Variants in IKZF3 observed in about 807,000 individuals in gnomAD.
IKZF3 encodes the protein IKAROS family zinc finger 3, also known as zinc finger protein Aiolos.
In IKZF3, 10 loss-of-function variants were observed where a neutral mutation model predicts 49.0. The observed-to-expected ratio is 0.20, with a 90% CI of 0.13 to 0.35. IKZF3 has a LOEUF of 0.35. IKZF3 is among the 10% of genes least tolerant of loss of function. The pLI, the probability that IKZF3 is intolerant of heterozygous loss-of-function variation, is 1.00. For missense variants in IKZF3, 498 were observed against 664.8 expected (o/e 0.75, Z 2.76); for synonymous variants, 209 against 228.2 (o/e 0.92, Z 0.76).
At chr17:39,792,524 T>A in intron 4 of IKZF3, 149 bp downstream of exon 4, 1 of 773,256 alleles carries the variant, frequency 1.3e-6, no homozygotes, top group Admixed American at 2.8e-5. Flanking sequence ...TAAAAAGCAC[T>A]GAGTGAACAG....
intron 6 of IKZF3, among the ~76,000 whole-genome samples, chr17:39,785,420 G>A (rs983341091): frequency 2.0e-5 from 3 of 152,034 alleles, no homozygotes; most frequent in East Asian, 3.9e-4. Flanking sequence ...TATGGTGCAC[G>A]CATCCACCAA....
At chr17:39,789,684 C>A (rs1292397462) in intron 5 of IKZF3, among the ~76,000 whole-genome samples, 4 of 151,368 alleles carry the variant, frequency 2.6e-5, no homozygotes, top group Non-Finnish European at 4.4e-5. Flanking sequence ...GCTGAGATGG[C>A]GCCGCTGTAC....
chr17:39,826,614 C>T (rs2061962723), intron 3 of IKZF3, among the ~76,000 whole-genome samples: 1 of 152,178 alleles, frequency 6.6e-6, no homozygotes, highest in Admixed American at 6.5e-5. Flanking sequence ...CTGTGGAAAT[C>T]ACTATGGGAA....
intron 1 of IKZF3, among the ~76,000 whole-genome samples, chr17:39,849,760 A>G (rs1281016374): frequency 6.6e-6 from 1 of 152,138 alleles, no homozygotes; most frequent in Non-Finnish European, 1.5e-5. Context: ...AAAGACACTC[A>G]ATGTAATTAC....
intron 3 of IKZF3, among the ~76,000 whole-genome samples, chr17:39,804,400 A>T (rs369653545): frequency 1.3e-5 from 2 of 151,864 alleles, no homozygotes; most frequent in East Asian, 3.9e-4. Flanking sequence ...GTGAGCCAAG[A>T]TAGCTCCACT....
intron 1 of IKZF3, among the ~76,000 whole-genome samples, chr17:39,838,279 CCT>C (rs1268234005): frequency 6.6e-6 from 1 of 152,056 alleles, no homozygotes; most frequent in African/African-American, 2.4e-5. Flanking sequence ...CCCACAGTTC[CCT>C]GAGACATTGT....
chr17:39,785,375 G>A (rs974508767), intron 6 of IKZF3, among the ~76,000 whole-genome samples: 1 of 152,036 alleles, frequency 6.6e-6, no homozygotes, highest in Admixed American at 6.6e-5. Flanking sequence ...TGCTGACTTA[G>A]TTAACCCTTT....
At chr17:39,853,483 T>C (rs2062942679) in intron 1 of IKZF3, among the ~76,000 whole-genome samples, 1 of 152,182 alleles carries the variant, frequency 6.6e-6, no homozygotes, top group South Asian at 2.1e-4. Flanking sequence ...AGAGTGATGA[T>C]AGGTTTTGCT....
At chr17:39,798,507 ATT>A (rs35545323) in intron 3 of IKZF3, among the ~76,000 whole-genome samples, 12 of 138,124 alleles carry the variant, frequency 8.7e-5, no homozygotes, top group Admixed American at 2.2e-4. Flanking sequence ...CATCCTACGT[ATT>A]TTTTTTTTTT....
chr17:39,780,178 T>A (rs893997822), intron 6 of IKZF3, among the ~76,000 whole-genome samples: 22 of 151,384 alleles, frequency 1.5e-4, no homozygotes, highest in Non-Finnish European at 2.8e-4. Flanking sequence ...AAGACCACAA[T>A]TACTTTTGCA....
intron 3 of IKZF3, among the ~76,000 whole-genome samples, chr17:39,804,943 A>T (rs2061401433): frequency 1.3e-5 from 2 of 152,162 alleles, no homozygotes; most frequent in Admixed American, 1.3e-4. Flanking sequence ...GTTGACTCTC[A>T]AATTTTTATT....
intron 1 of IKZF3, among the ~76,000 whole-genome samples, chr17:39,855,494 G>A (rs2063012348): frequency 6.6e-6 from 1 of 152,042 alleles, no homozygotes; most frequent in South Asian, 2.1e-4. Flanking sequence ...TTTAGGTCTG[G>A]GGCAACTAAG....
chr17:39,789,030 T>G (rs976511171), intron 5 of IKZF3, among the ~76,000 whole-genome samples: 2 of 152,132 alleles, frequency 1.3e-5, no homozygotes, highest in African/African-American at 2.4e-5. Flanking sequence ...CCCAATTTCA[T>G]AGGCTCAGGT....
intron 6 of IKZF3, 50 bp from the exon 7 acceptor site, chr17:39,777,817 T>A (rs988402840): frequency 3.1e-6 from 5 of 1,588,144 alleles, no homozygotes; most frequent in Non-Finnish European, 3.4e-6. Context: ...CATTGGTACA[T>A]GGGGAGAAAA....
Sources: allele counts gnomAD v4.1 joint callset (sites outside exome capture counted in the v4.1 genomes callset), GRCh38; gene constraint gnomAD v4.1.1; transcripts MANE v1.5; gene names NCBI Gene and HGNC (gene_info 2026-07-23, HGNC 2026-07-21).